NEBL: variants seen among roughly 807,000 people sequenced by gnomAD.
NEBL encodes the protein LIM and SH3 protein 2.
A neutral mutation model predicts 140.2 loss-of-function variants in NEBL; 122 were observed. The observed-to-expected ratio is 0.87, with a 90% confidence interval of 0.75 to 1.01. The LOEUF (loss-of-function observed/expected upper bound fraction) is 1.01, where lower values mean the gene tolerates loss of function less well. Ranked by LOEUF, NEBL falls within the 50% of genes least tolerant of loss-of-function variation. The probability of loss-of-function intolerance (pLI) is 0.00; values close to 1 mark genes in which losing one functional copy is unlikely to be tolerated. For missense variants in NEBL, 1,365 were observed against 1,231.3 expected (o/e 1.11, Z -1.62); for synonymous variants, 436 against 398.9 (o/e 1.09, Z -1.11).
intron 1 of NEBL, among the ~76,000 whole-genome samples, chr10:21,260,249 C>G (rs1842721023): frequency 6.6e-6 from 1 of 152,202 alleles, no homozygotes; most frequent in Non-Finnish European, 1.5e-5. Context: ...AAAACAGCTC[C>G]AGACAGGAGC....
intron 3 of NEBL, among the ~76,000 whole-genome samples, chr10:21,241,398 C>T (rs536877540): frequency 3.4e-4 from 52 of 152,182 alleles, no homozygotes; most frequent in Non-Finnish European, 6.9e-4. Context: ...TTCCAGGCGG[C>T]GCATCTGTGG....
chr10:21,103,489 A>G (rs1473386029), intron 2 of NEBL, among the ~76,000 whole-genome samples: 1 of 152,158 alleles, frequency 6.6e-6, no homozygotes, highest in African/African-American at 2.4e-5. Context: ...CTGGGATTAC[A>G]GGCATGAGCC....
At position 20,993,815 on chromosome 10, in the gene NEBL, C is replaced by T. The variant is rs376570509; in HGVS notation, c.249+26302G>A. ...GGTGACGAAGGGAAGGAAAACACTT[C>T]GACAATTACAGAGGCACCTACTCCC... On this transcript the variant is annotated intron_variant, in intron 3 of 6. Coordinates refer to the NEBL transcript ENST00000417816. 1.0e-3 allele frequency among the ~76,000 whole-genome samples: 153 copies of T among 152,292 alleles called. 1 individual carries two copies. Among genetic ancestry groups the T allele is most frequent in the African/African-American group, 3.6e-3 (150 of 41,554 alleles).
chr10:21,014,503 C>T (rs2131749233), intron 3 of NEBL, among the ~76,000 whole-genome samples: 1 of 152,270 alleles, frequency 6.6e-6, no homozygotes, highest in East Asian at 1.9e-4. Flanking sequence ...AATAATTCTC[C>T]AATTATCTTT....
chr10:20,993,156 C>T (rs1837533973), intron 3 of NEBL, among the ~76,000 whole-genome samples: 1 of 152,016 alleles, frequency 6.6e-6, no homozygotes, highest in African/African-American at 2.4e-5. Context: ...CGTTTTAAAA[C>T]ATGTAAAATC....
intron 1 of NEBL, among the ~76,000 whole-genome samples, chr10:21,284,223 A>AG (rs1388926031): frequency 7.6e-6 from 1 of 130,850 alleles, no homozygotes. Flanking sequence ...AAAAAAAAAA[A>AG]AAAAAAAAAA....
At chr10:21,172,454 A>G (rs1196555957) in exon 2 of NEBL, 2 of 1,611,306 alleles carry the variant, frequency 1.2e-6, no homozygotes, top group Admixed American at 1.7e-5. Flanking sequence ...AGACCTCACA[A>G]TGGAAACATC....
intron 2 of NEBL, among the ~76,000 whole-genome samples, chr10:21,077,874 C>T (rs1257431904): frequency 1.3e-5 from 2 of 152,108 alleles, no homozygotes; most frequent in East Asian, 3.9e-4. Flanking sequence ...ACAGCCCGAG[C>T]TATGGGCTTC....
At chr10:21,209,180 G>T (rs1322233195) in intron 3 of NEBL, among the ~76,000 whole-genome samples, 3 of 152,134 alleles carry the variant, frequency 2.0e-5, no homozygotes, top group African/African-American at 4.8e-5. Flanking sequence ...ATGACAAAAG[G>T]AATGTGTCTG....
intron 2 of NEBL, among the ~76,000 whole-genome samples, chr10:21,105,149 C>T (rs547779509): frequency 7.9e-5 from 12 of 152,070 alleles, no homozygotes; most frequent in South Asian, 2.1e-4. Context: ...CTTTTACATA[C>T]GTGTTCATGA....
intron 4 of NEBL, among the ~76,000 whole-genome samples, chr10:20,952,165 G>T (rs1165964202): frequency 6.6e-6 from 1 of 152,288 alleles, no homozygotes; most frequent in South Asian, 2.1e-4. Flanking sequence ...GGCCAGGCGG[G>T]GTGGCTCACA....
At chr10:21,283,234 A>T (rs1843014298) in intron 1 of NEBL, among the ~76,000 whole-genome samples, 1 of 152,098 alleles carries the variant, frequency 6.6e-6, no homozygotes, top group Non-Finnish European at 1.5e-5. Context: ...TCACTGCTAC[A>T]TTCCCATTAG....
chr10:21,156,733 GCTAT>G (rs1406744688), intron 2 of NEBL, among the ~76,000 whole-genome samples: 3 of 152,074 alleles, frequency 2.0e-5, no homozygotes, highest in East Asian at 3.9e-4. Flanking sequence ...AGAAAGTGAA[GCTAT>G]CTGAGAAACT....
intron 9 of NEBL, 72 bp from the exon 10 acceptor site, chr10:20,852,721 A>C (rs932021593): frequency 6.4e-6 from 8 of 1,249,978 alleles, no homozygotes; most frequent in Non-Finnish European, 8.0e-6. Context: ...TTAGAAATAC[A>C]AACTGCACAT....
rs1564518091 is a variant in NEBL, at chr10:21,120,407, TA to T, written c.164+51975del. Among the ~76,000 whole-genome samples the T allele has an allele frequency of 7.1e-4, 89 of 124,498 alleles. 3 individuals carry two copies. Among genetic ancestry groups the T allele is most frequent in the African/African-American group, 3.0e-3 (87 of 28,650 alleles). The allele number at this position is 124,498 out of a possible 152,430, so 81.7% of individuals were successfully genotyped here. On this transcript the variant is annotated intron_variant, in intron 2 of 6. Transcript: ENST00000417816. ...AAAAAAAAATACATATATATATATA[TA>T]TATATATATATATATAAATTTGATC... is the stretch of plus-strand genomic sequence containing the variant.
intron 3 of NEBL, among the ~76,000 whole-genome samples, chr10:21,198,503 A>G (rs991196599): frequency 1.3e-5 from 2 of 152,208 alleles, no homozygotes; most frequent in African/African-American, 4.8e-5. Flanking sequence ...GGAGGATGCT[A>G]GCAAATGTGG....
chr10:21,283,331 C>T (rs1291074400), intron 1 of NEBL, among the ~76,000 whole-genome samples: 1 of 152,106 alleles, frequency 6.6e-6, no homozygotes, highest in Non-Finnish European at 1.5e-5. Context: ...AATAATCCAC[C>T]GCTTGTTTAG....
chr10:21,163,516 G>A (rs750876008), intron 2 of NEBL, among the ~76,000 whole-genome samples: 9 of 152,134 alleles, frequency 5.9e-5, no homozygotes, highest in Non-Finnish European at 1.0e-4. Context: ...TGGATACAGA[G>A]TCATATTTAA....
chr10:20,828,749 T>G, intron 16 of NEBL, 115 bp from the exon 17 acceptor site: 1 of 700,162 alleles, frequency 1.4e-6, no homozygotes, highest in Non-Finnish European at 2.5e-6. Flanking sequence ...AAACTGTTTT[T>G]ACTGACTTAC....
Sources: allele counts gnomAD v4.1 joint callset (sites outside exome capture counted in the v4.1 genomes callset), GRCh38; gene constraint gnomAD v4.1.1; transcripts MANE v1.5; gene names NCBI Gene and HGNC (gene_info 2026-07-23, HGNC 2026-07-21).